Variants in DCAF11 observed in about 807,000 individuals in gnomAD.
DCAF11 encodes the protein DDB1- and CUL4-associated factor 11.
In DCAF11, 44 loss-of-function variants were observed where a neutral mutation model predicts 76.1. The observed-to-expected ratio is 0.58, with a 90% CI of 0.45 to 0.74. DCAF11 has a LOEUF of 0.74. DCAF11 is among the 30% of genes least tolerant of loss of function. DCAF11 has a pLI of 0.00. For missense variants in DCAF11, 604 were observed against 709.4 expected (o/e 0.85, Z 1.69); for synonymous variants, 258 against 255.0 (o/e 1.01, Z -0.11).
At position 24,119,884 on chromosome 14, in the gene DCAF11, C is replaced by T; in HGVS notation, c.1080C>T (p.Phe360=). Residue 360 remains phenylalanine (F), a synonymous_variant, in exon 11 of 15, where the codon TTC becomes TTT. Transcript: ENST00000446197. ...ALAGHQDGIT[F]IDSKGDARYL... ...CTGGACACCAGGATGGCATCACCTTCATTGACAGCAAGGTGGGCCAGAAGT... is the reference window on the plus strand; with the variant it reads ...CTGGACACCAGGATGGCATCACCTTTATTGACAGCAAGGTGGGCCAGAAGT... 1 of 1,611,750 alleles carries T rather than the reference C, an allele frequency of 6.2e-7. No individual in the cohort carries two copies. The highest frequency in any genetic ancestry group is 8.5e-7 in the Non-Finnish European group (1 of 1,178,820).
chr14:24,120,746 GTTC>G lies in DCAF11; in HGVS notation c.1093-87_1093-85del, dbSNP rs948966672. 699 of 1,502,444 alleles carry G rather than the reference GTTC, an allele frequency of 4.7e-4. 3 individuals are homozygous for G. The highest frequency in any genetic ancestry group is 3.2e-3 in the East Asian group (142 of 43,880). The allele number at this position is 1,502,444 out of a possible 1,614,324, so 93.1% of individuals were successfully genotyped here. ...GAGGCAAGTAAAGCCAGAGGCCAGA[GTTC>G]TTCTGCTCAACTAGAGAACGGGAAC... On this transcript the variant is annotated intron_variant, in intron 11 of 14. Transcript: ENST00000446197.
chr14:24,119,231 A>G lies in DCAF11; in HGVS notation c.848+18A>G, dbSNP rs756686512. ...CTAGGAGGGTAAGTGCTTGTGGGGT[A>G]TGTTTCCCTCAATAACAAGATGGGG... is the stretch of plus-strand genomic sequence containing the variant. On this transcript the variant is annotated intron_variant, in intron 9 of 14. Transcript: ENST00000446197. The G allele has an allele frequency of 1.2e-5, 19 of 1,613,930 alleles. No homozygotes were observed. The South Asian group carries it at 2.0e-4, about 17-fold the overall frequency.
intron 2 of DCAF11, among the ~76,000 whole-genome samples, chr14:24,116,370 C>A (rs1003595601): frequency 6.6e-6 from 1 of 152,146 alleles, no homozygotes; most frequent in Non-Finnish European, 1.5e-5. Context: ...TTTTAGTAGA[C>A]ATAGACAGGG....
chr14:24,118,954 A>G, intron 8 of DCAF11, 150 bp downstream of exon 8: 1 of 1,140,036 alleles, frequency 8.8e-7, no homozygotes, highest in Non-Finnish European at 1.3e-6. Flanking sequence ...CCATCTTGTC[A>G]GCCAGAGGAC....
intron 13 of DCAF11, 68 bp from the exon 14 acceptor site, chr14:24,122,903 A>G (rs2037717446): frequency 2.1e-6 from 3 of 1,438,670 alleles, no homozygotes; most frequent in Admixed American, 1.8e-5. Context: ...GGTGCTACTC[A>G]TGGGGAGGTG....
intron 2 of DCAF11, 58 bp from the exon 3 acceptor site, chr14:24,116,859 G>A: frequency 6.2e-7 from 1 of 1,611,562 alleles, no homozygotes; most frequent in Non-Finnish European, 8.5e-7. Context: ...CATTGACTCT[G>A]AATTTGGTTG....
In DCAF11 at chr14:24,119,600, A is replaced by G. The variant is rs781664166; in HGVS notation, c.890A>G (p.Asn297Ser). Residue 297 changes from asparagine (N) to serine (S), a missense_variant, in exon 10 of 15, where the codon AAC (asparagine) becomes AGC (serine). Transcript: ENST00000446197. ...CTGTATGTCTTTGACCGAGAACAGAACCGGCGCACCCTTCAGGTATGGCTC... is the reference window on the plus strand; with the variant it reads ...CTGTATGTCTTTGACCGAGAACAGAGCCGGCGCACCCTTCAGGTATGGCTC... ...GCLYVFDREQ[N>S]RRTLQIESHE... is the part of the protein sequence containing the mutation. The G allele has an allele frequency of 6.2e-7, 1 of 1,613,522 alleles. No homozygotes were observed. The highest frequency in any genetic ancestry group is 1.3e-5 in the African/African-American group (1 of 74,882).
chr14:24,118,369 C>T lies in DCAF11; in HGVS notation c.578-19C>T. The T allele has an allele frequency of 6.2e-7, 1 of 1,613,324 alleles. No homozygotes were observed. The highest frequency in any genetic ancestry group is 8.5e-7 in the Non-Finnish European group (1 of 1,179,382). Reference sequence around the variant, plus strand: ...CAAGGAAACTGTCCCATAATTCTGCCTGATCTTTACTTACACAGACCAGAC... The same window carrying T: ...CAAGGAAACTGTCCCATAATTCTGCTTGATCTTTACTTACACAGACCAGAC... On this transcript the variant is annotated intron_variant, in intron 6 of 14. Transcript: ENST00000446197.
chr14:24,121,718 T>C (rs1178784801), intron 13 of DCAF11: 4 of 611,478 alleles, frequency 6.5e-6, no homozygotes, highest in Non-Finnish European at 1.1e-5. Flanking sequence ...CATAGAATTC[T>C]AGACAGTAAA....
chr14:24,114,991 C>G lies in DCAF11; in HGVS notation c.-516C>G, dbSNP rs564341347. 3.0e-6 allele frequency: 3 copies of G among 985,886 alleles called. No individual in the cohort carries two copies. The highest frequency in any genetic ancestry group is 1.7e-5 in the African/African-American group (1 of 57,268). 61.1% of individuals were successfully genotyped at this position (985,886 alleles called of 1,614,324 possible). On this transcript the variant is annotated 5_prime_UTR_variant, in exon 1 of 15. Coordinates refer to ENST00000446197, the MANE Select transcript of DCAF11 (RefSeq NM_025230.5). ...GGAGGTGCTTCTCGGCTTCCTCCCC[C>G]TCATGGCGTACACACCCCCGGCGCA...
rs1368870257 is a variant in DCAF11, at chr14:24,124,814, G to C, written c.*1505G>C. The C allele has an allele frequency of 6.6e-6, 1 of 152,224 alleles. No homozygotes were observed. The highest frequency in any genetic ancestry group is 2.4e-5 in the African/African-American group (1 of 41,448). The allele number at this position is 152,224 out of a possible 1,614,324, so 9.4% of individuals were successfully genotyped here. A position where few individuals can be genotyped will look rare whatever the true frequency, so the allele number is the denominator to read the frequency against. On this transcript the variant is annotated 3_prime_UTR_variant, in exon 15 of 15. Coordinates refer to ENST00000446197, the MANE Select transcript of DCAF11 (RefSeq NM_025230.5). ...CCCGGCATTTTGGGAGGCCGAGATA[G>C]GTGGATCACCTGAAGTCAGGTGTTT... is the stretch of plus-strand genomic sequence containing the variant.
rs758007968 is a variant in DCAF11 at position 24,119,590 on chromosome 14, C to T, written c.880C>T (p.Arg294Ter). The T allele has an allele frequency of 1.9e-6, 3 of 1,614,026 alleles. No homozygotes were observed. The highest frequency in any genetic ancestry group is 1.7e-5 in the Admixed American group (1 of 59,992). ...TGATGGCTGCCTGTATGTCTTTGACCGAGAACAGAACCGGCGCACCCTTCA... is the reference window on the plus strand; with the variant it reads ...TGATGGCTGCCTGTATGTCTTTGACTGAGAACAGAACCGGCGCACCCTTCA... ...ANDGCLYVFD[R>*]EQNRRTLQIE... Residue 294 changes from arginine to a stop codon, truncating the protein, a stop_gained, in exon 10 of 15, where the codon CGA becomes TGA. Transcript: ENST00000446197. LOFTEE classifies it high-confidence loss of function.
Position 24,117,772 on chromosome 14 carries a change from T to C in DCAF11, c.476+40T>C, listed in dbSNP as rs1594335515. On this transcript the variant is annotated intron_variant, in intron 5 of 14. Transcript: ENST00000446197. This position sits in a 1 kb window ranked among gnomAD's most constrained non-coding sequence, Gnocchi z 4.3. The stretch of plus-strand genomic sequence containing the variant: ...TGGTGAAGAGACTCTAAGGGCCAGA[T>C]AGGTCTTATCTCCTAAACTTTGAAG... 2 of 1,600,368 alleles carry C rather than the reference T, an allele frequency of 1.2e-6. No individual in the cohort carries two copies. The highest frequency in any genetic ancestry group is 3.4e-5 in the Admixed American group (2 of 59,658).
chr14:24,124,169 A>G lies in DCAF11; in HGVS notation c.*860A>G, dbSNP rs995697295. 10 of 152,274 alleles carry G rather than the reference A, an allele frequency of 6.6e-5. No individual in the cohort carries two copies. Among genetic ancestry groups the G allele is most frequent in the Admixed American group, 2.6e-4 (4 of 15,288 alleles). 9.4% of individuals were successfully genotyped at this position (152,274 alleles called of 1,614,324 possible). A position where few individuals can be genotyped will look rare whatever the true frequency, so the allele number is the denominator to read the frequency against. On this transcript the variant is annotated 3_prime_UTR_variant, in exon 15 of 15. Transcript: ENST00000446197. ...GAAAATACCCTTCTGGTGCCCCATG[A>G]AAAAGGGAAATACCAAAACCATTTG...
Position 24,119,713 on chromosome 14 carries a change from T to C in DCAF11, c.909T>C (p.Ile303=), listed in dbSNP as rs1235730839. 1.2e-6 allele frequency: 2 copies of C among 1,614,114 alleles called. No homozygotes were observed. Among genetic ancestry groups the C allele is most frequent in the Non-Finnish European group, 1.7e-6 (2 of 1,180,034 alleles). Residue 303 remains isoleucine (I), a splice_region_variant and synonymous_variant, in exon 11 of 15, where the codon ATT becomes ATC. Coordinates refer to ENST00000446197, the MANE Select transcript of DCAF11 (RefSeq NM_025230.5). ...ATCCTGGCCTCCTTTTCGCCTAGAT[T>C]GAGTCCCATGAGGATGATGTGAATG... The part of the protein sequence containing the change: ...DREQNRRTLQ[I]ESHEDDVNAV...
intron 13 of DCAF11, among the ~76,000 whole-genome samples, chr14:24,122,646 C>T (rs1461633073): frequency 1.3e-5 from 2 of 152,142 alleles, no homozygotes; most frequent in African/African-American, 4.8e-5. Context: ...TGCACACACC[C>T]CCAGACAGCT....
chr14:24,121,367 T>A lies in DCAF11; in HGVS notation c.1249T>A (p.Trp417Arg). The change falls in exon 13 of 15, where the codon TGG becomes AGG. Residue 417 changes from tryptophan to arginine, a missense_variant and splice_region_variant. By Grantham distance (101) the Trp-to-Arg change is moderately radical. Transcript: ENST00000446197. Reference protein sequence around the residue: ...YRWQQVPKKAWRKLKLPGDSS... With the variant: ...YRWQQVPKKARRKLKLPGDSS... Reference sequence around the variant, plus strand: ...GTTTACTCTGCATCCCTACCCAGCCTGGCGGAAGCTGAAGCTCCCAGGGGA... The same window carrying A: ...GTTTACTCTGCATCCCTACCCAGCCAGGCGGAAGCTGAAGCTCCCAGGGGA... 1 of 1,614,176 alleles carries A rather than the reference T, an allele frequency of 6.2e-7. No homozygotes were observed. Among genetic ancestry groups the A allele is most frequent in the Non-Finnish European group, 8.5e-7 (1 of 1,180,026 alleles).
chr14:24,117,682 C>G lies in DCAF11; in HGVS notation c.426C>G (p.Leu142=), dbSNP rs1425217613. 3 of 1,614,124 alleles carry G rather than the reference C, an allele frequency of 1.9e-6. No individual in the cohort carries two copies. The highest frequency in any genetic ancestry group is 1.1e-5 in the South Asian group (1 of 91,080). Residue 142 remains leucine, a synonymous_variant, in exon 5 of 15, where the codon CTC becomes CTG. Coordinates refer to ENST00000446197, the MANE Select transcript of DCAF11 (RefSeq NM_025230.5). This position sits in a 1 kb window ranked among gnomAD's most constrained non-coding sequence, Gnocchi z 4.3. ...CTTCCATTTAGAGAGAACGGGGCCTCTGCCATCGGGGAAGCTTCTCCCTTG... is the reference window on the plus strand; with the variant it reads ...CTTCCATTTAGAGAGAACGGGGCCTGTGCCATCGGGGAAGCTTCTCCCTTG... ...PRMLHQRERG[L]CHRGSFSLGE... is the part of the protein sequence containing the mutation.
rs2037509729 is a variant in DCAF11 at position 24,114,995 on chromosome 14, T to C, written c.-512T>C. 3.7e-5 allele frequency: 36 copies of C among 985,912 alleles called. No homozygotes were observed. The highest frequency in any genetic ancestry group is 4.3e-5 in the Non-Finnish European group (36 of 829,958). 61.1% of individuals were successfully genotyped at this position (985,912 alleles called of 1,614,324 possible). The stretch of plus-strand genomic sequence containing the variant: ...GTGCTTCTCGGCTTCCTCCCCCTCA[T>C]GGCGTACACACCCCCGGCGCACCAC... On this transcript the variant is annotated 5_prime_UTR_variant, in exon 1 of 15. It removes an upstream start codon present in the reference 5' UTR. Transcript: ENST00000446197.
Sources: gnomAD v4.1 joint callset for allele counts (sites outside exome capture counted in the v4.1 genomes callset) on GRCh38, gnomAD v4.1.1 for gene constraint, Gnocchi (gnomAD v3.1) non-coding constraint, MANE v1.5 for transcripts, NCBI Gene and HGNC (gene_info 2026-07-23, HGNC 2026-07-21) for gene names.